Variants in SLC4A4 observed in about 807,000 individuals in gnomAD.
SLC4A4 encodes the protein electrogenic sodium bicarbonate cotransporter 1.
SLC4A4 carries 27 observed loss-of-function variants against 111.5 expected under a neutral mutation model. That is an observed-to-expected ratio of 0.24 (90% CI 0.18 to 0.33). The LOEUF is 0.33. Among genes scored for constraint, SLC4A4 ranks in the 10% least tolerant of loss-of-function variants. The pLI, the probability that SLC4A4 is intolerant of heterozygous loss-of-function variation, is 1.00. For synonymous variants in SLC4A4, 443 were observed against 463.4 expected, an observed-to-expected ratio of 0.96 and a Z score of 0.57; for missense variants, 909 against 1,315.5, an observed-to-expected ratio of 0.69 and a Z score of 4.78.
At chr4:71,253,203 G>T (rs1490604566) in intron 2 of SLC4A4, among the ~76,000 whole-genome samples, 1 of 152,052 alleles carries the variant, frequency 6.6e-6, no homozygotes, top group Non-Finnish European at 1.5e-5. Flanking sequence ...TCTCTCCAGG[G>T]TTTGATGGCT....
chr4:71,441,987 G>A (rs1438549830), intron 8 of SLC4A4, among the ~76,000 whole-genome samples: 2 of 152,214 alleles, frequency 1.3e-5, no homozygotes, highest in African/African-American at 2.4e-5. Context: ...GTCACCTGGC[G>A]AACAGCTGAC....
At position 71,548,072 on chromosome 4, in the gene SLC4A4, T is replaced by A. The variant is rs188618721; in HGVS notation, c.2694+352T>A. Reference sequence around the variant, plus strand: ...TTTTATTCTCCTTGTCTTTTATACATTCTTTCTTCTATCACCTTCCATTTG... The same window carrying A: ...TTTTATTCTCCTTGTCTTTTATACAATCTTTCTTCTATCACCTTCCATTTG... On this transcript the variant is annotated intron_variant, in intron 20 of 25. Transcript: ENST00000264485. 7.2e-5 allele frequency among the ~76,000 whole-genome samples: 11 copies of A among 152,074 alleles called. No individual in the cohort carries two copies. In the East Asian group the frequency reaches 1.6e-3, roughly 22 times the overall value.
chr4:71,367,867 T>A (rs928324900), intron 6 of SLC4A4, among the ~76,000 whole-genome samples: 1 of 152,154 alleles, frequency 6.6e-6, no homozygotes, highest in Non-Finnish European at 1.5e-5. Context: ...GGCTATAAAC[T>A]TATATTAATT....
intron 18 of SLC4A4, among the ~76,000 whole-genome samples, chr4:71,543,341 A>T (rs1276988701): frequency 1.3e-5 from 2 of 152,126 alleles, no homozygotes; most frequent in Non-Finnish European, 2.9e-5. Context: ...CCTTCAGGTC[A>T]CATTGGTGAT....
At chr4:71,387,705 G>A (rs1718880353) in intron 6 of SLC4A4, among the ~76,000 whole-genome samples, 1 of 152,052 alleles carries the variant, frequency 6.6e-6, no homozygotes, top group Admixed American at 6.6e-5. Context: ...TGTTGGTCAG[G>A]CTGGGCTCAA....
intron 2 of SLC4A4, among the ~76,000 whole-genome samples, chr4:71,158,041 T>C (rs1457702143): frequency 1.3e-5 from 2 of 151,588 alleles, no homozygotes; most frequent in East Asian, 3.9e-4. Flanking sequence ...ACAACTGAAG[T>C]TTATGGGAAA....
At chr4:71,225,496 T>C (rs1718989407) in intron 1 of SLC4A4, among the ~76,000 whole-genome samples, 1 of 152,176 alleles carries the variant, frequency 6.6e-6, no homozygotes, top group South Asian at 2.1e-4. Context: ...ATAATGCATG[T>C]ATGTTGCTTA....
chr4:71,387,091 C>T (rs1718806553), intron 6 of SLC4A4, among the ~76,000 whole-genome samples: 2 of 152,166 alleles, frequency 1.3e-5, no homozygotes, highest in South Asian at 4.1e-4. Flanking sequence ...TGAATCCATC[C>T]CTTTCCTTGA....
chr4:71,167,394 T>G (rs1028484190), intron 2 of SLC4A4, among the ~76,000 whole-genome samples: 1 of 152,206 alleles, frequency 6.6e-6, no homozygotes, highest in African/African-American at 2.4e-5. Flanking sequence ...TCCACTGTGC[T>G]GTATTGGTCA....
At chr4:71,457,148 A>G (rs948444055) in intron 12 of SLC4A4, among the ~76,000 whole-genome samples, 1 of 152,110 alleles carries the variant, frequency 6.6e-6, no homozygotes, top group African/African-American at 2.4e-5. Context: ...TTCTGTTCAG[A>G]AGGTCTTGCC....
intron 2 of SLC4A4, among the ~76,000 whole-genome samples, chr4:71,122,598 A>G (rs1560731406): frequency 6.6e-6 from 1 of 152,158 alleles, no homozygotes; most frequent in Non-Finnish European, 1.5e-5. Context: ...AAAAAAGAGT[A>G]GAGGTGAGAT....
In SLC4A4 at chr4:71,387,490, GTATT is replaced by G. The variant is rs1218284307; in HGVS notation, c.731-10073_731-10070del. Among the ~76,000 whole-genome samples, 5 of 152,042 alleles carry G rather than the reference GTATT, an allele frequency of 3.3e-5. No individual in the cohort carries two copies. In the South Asian group the frequency reaches 1.0e-3, roughly 32 times the overall value. ...ATTTTGAAGTGGTACCCTACTTCAA[GTATT>G]TATTTATTTATTTTTTTGAAATAAA... On this transcript the variant is annotated intron_variant, in intron 6 of 25. Transcript: ENST00000264485.
intron 6 of SLC4A4, among the ~76,000 whole-genome samples, chr4:71,366,116 A>C (rs1348716208): frequency 6.6e-6 from 1 of 152,124 alleles, no homozygotes; most frequent in Non-Finnish European, 1.5e-5. Flanking sequence ...AACATGTTTC[A>C]TGTGTTTAGG....
intron 7 of SLC4A4, among the ~76,000 whole-genome samples, chr4:71,406,460 G>A (rs1351108844): frequency 2.0e-5 from 3 of 152,014 alleles, no homozygotes; most frequent in Admixed American, 6.6e-5. Context: ...TCTTTAGAAA[G>A]AGAAGAGCTC....
rs1298211407 is a variant in SLC4A4, at chr4:71,570,206, C to T, written c.*2455C>T. On this transcript the variant is annotated 3_prime_UTR_variant, in exon 26 of 26. Coordinates refer to ENST00000264485, the MANE Select transcript of SLC4A4 (RefSeq NM_001098484.3). ...GTTTCATGCCCCTCTCTATACCTTT[C>T]AAAGAACTCCTGAAGCAACTTAACT... 6.6e-6 allele frequency: 1 copy of T among 151,362 alleles called. No individual in the cohort carries two copies. Among genetic ancestry groups the T allele is most frequent in the African/African-American group, 2.4e-5 (1 of 41,260 alleles). The allele number at this position is 151,362 out of a possible 1,614,324, so 9.4% of individuals were successfully genotyped here. A position where few individuals can be genotyped will look rare whatever the true frequency, so the allele number is the denominator to read the frequency against.
intron 1 of SLC4A4, among the ~76,000 whole-genome samples, chr4:71,213,189 G>A (rs1718237022): frequency 6.6e-6 from 1 of 152,206 alleles, no homozygotes; most frequent in East Asian, 1.9e-4. Context: ...ATGCATGACT[G>A]CATAAGACCT....
intron 3 of SLC4A4, among the ~76,000 whole-genome samples, chr4:71,306,293 G>T (rs1325182821): frequency 6.6e-6 from 1 of 151,416 alleles, no homozygotes; most frequent in Non-Finnish European, 1.5e-5. Context: ...CTATAAAATG[G>T]GATAATAGGC....
chr4:71,217,297 G>A (rs1310005271), intron 1 of SLC4A4, among the ~76,000 whole-genome samples: 1 of 152,214 alleles, frequency 6.6e-6, no homozygotes, highest in Non-Finnish European at 1.5e-5. Flanking sequence ...GCTGGGTGTG[G>A]TGGCTCACGC....
chr4:71,452,026 T>A lies in SLC4A4; in HGVS notation c.1322+725T>A, dbSNP rs192384443. On this transcript the variant is annotated intron_variant, in intron 11 of 25. Transcript: ENST00000264485. The stretch of plus-strand genomic sequence containing the variant: ...TTCCCTACCATTAGATTGTTCCTTT[T>A]ATTGGGTGTTAAGTAAAATTTTAAG... Among the ~76,000 whole-genome samples the A allele has an allele frequency of 1.8e-4, 27 of 152,322 alleles. 1 individual carries two copies. In the East Asian group the frequency reaches 4.2e-3, roughly 24 times the overall value.
Sources: gnomAD v4.1 joint callset for allele counts (sites outside exome capture counted in the v4.1 genomes callset) on GRCh38, gnomAD v4.1.1 for gene constraint, MANE v1.5 for transcripts, NCBI Gene and HGNC (gene_info 2026-07-23, HGNC 2026-07-21) for gene names.